The following ELMO1 variants were observed in gnomAD, a reference collection of about 807,000 sequenced individuals.
ELMO1 encodes the protein engulfment and cell motility protein 1.
Under a neutral mutation model 98.9 loss-of-function variants are expected in ELMO1, and 26 were observed. That is an observed-to-expected ratio of 0.26 (90% CI 0.19 to 0.36). The LOEUF (loss-of-function observed/expected upper bound fraction) is 0.36, where lower values mean the gene tolerates loss of function less well. Ranked by LOEUF, ELMO1 falls within the 10% of genes least tolerant of loss-of-function variation. The pLI, the probability that ELMO1 is intolerant of heterozygous loss-of-function variation, is 1.00. For missense variants in ELMO1, 627 were observed against 935.2 expected, an observed-to-expected ratio of 0.67 and a Z score of 4.30; for synonymous variants, 346 against 346.0, an observed-to-expected ratio of 1.00 and a Z score of 0.00.
At chr7:36,924,372 C>G (rs1227539909) in intron 16 of ELMO1, among the ~76,000 whole-genome samples, 1 of 152,094 alleles carries the variant, frequency 6.6e-6, no homozygotes, top group East Asian at 1.9e-4. Context: ...TGCTTCCCAG[C>G]GAGGGCCCTC....
rs199590083 is a variant in ELMO1, at chr7:37,321,030, G to T, written c.79-5070C>A. Among the ~76,000 whole-genome samples the T allele has an allele frequency of 3.9e-5, 6 of 152,178 alleles. No homozygotes were observed. In the East Asian group the frequency reaches 1.2e-3, roughly 29 times the overall value. ...AGAGCACTGAACACCAGCTGGTAAA[G>T]AATGTAATTCAACAGATGATAAATC... On this transcript the variant is annotated intron_variant, in intron 2 of 21. Transcript: ENST00000310758.
intron 16 of ELMO1, among the ~76,000 whole-genome samples, chr7:36,926,204 G>A (rs1258952234): frequency 6.6e-6 from 1 of 152,170 alleles, no homozygotes; most frequent in African/African-American, 2.4e-5. Context: ...ATTCCAGACT[G>A]AGAGTCCATC....
intron 14 of ELMO1, among the ~76,000 whole-genome samples, chr7:37,123,076 T>C (rs992653208): frequency 2.0e-5 from 3 of 151,688 alleles, no homozygotes; most frequent in African/African-American, 7.3e-5. Context: ...AAAGATGTTC[T>C]TTGAAACCAG....
chr7:37,269,367 C>G (rs1054334060), intron 5 of ELMO1: 1 of 151,896 alleles, frequency 6.6e-6, no homozygotes, highest in Non-Finnish European at 1.5e-5. Flanking sequence ...CACAGCTGAT[C>G]CAGGTTTGGG....
chr7:36,896,978 T>C (rs1306449746), intron 16 of ELMO1, among the ~76,000 whole-genome samples: 1 of 152,186 alleles, frequency 6.6e-6, no homozygotes, highest in African/African-American at 2.4e-5. Flanking sequence ...GAAGATATGA[T>C]TTTTAAATAG....
At position 36,939,440 on chromosome 7, in the gene ELMO1, G is replaced by A. The variant is rs528353051; in HGVS notation, c.1438-44423C>T. ...ATAGAAGACTTAACCTAGTCAGGCTGGGGGCTCAAGTACTCATAGAACAAC... is the reference window on the plus strand; with the variant it reads ...ATAGAAGACTTAACCTAGTCAGGCTAGGGGCTCAAGTACTCATAGAACAAC... On this transcript the variant is annotated intron_variant, in intron 16 of 21. Transcript: ENST00000310758. Among the ~76,000 whole-genome samples, 22 of 152,134 alleles carry A rather than the reference G, an allele frequency of 1.4e-4. No homozygotes were observed. In the South Asian group the frequency reaches 2.3e-3, roughly 16 times the overall value.
intron 13 of ELMO1, among the ~76,000 whole-genome samples, chr7:37,144,624 G>A (rs1415692712): frequency 6.6e-6 from 1 of 152,146 alleles, no homozygotes; most frequent in Non-Finnish European, 1.5e-5. Flanking sequence ...AATGCCATTT[G>A]TTAGTTTCTG....
At chr7:37,412,424 A>G (rs1583711666) in intron 1 of ELMO1, among the ~76,000 whole-genome samples, 1 of 152,194 alleles carries the variant, frequency 6.6e-6, no homozygotes. Flanking sequence ...CTCTTGGATA[A>G]ATTGCCAATT....
chr7:37,130,732 A>G (rs1786864561), intron 14 of ELMO1, among the ~76,000 whole-genome samples: 1 of 149,830 alleles, frequency 6.7e-6, no homozygotes, highest in South Asian at 2.1e-4. Context: ...GCAACGAGGG[A>G]ATATTTGTGC....
chr7:37,010,951 T>C (rs1199344115), intron 16 of ELMO1, among the ~76,000 whole-genome samples: 2 of 152,258 alleles, frequency 1.3e-5, no homozygotes, highest in African/African-American at 4.8e-5. Flanking sequence ...GATTTTCCTC[T>C]GATATCTGCT....
intron 1 of ELMO1, among the ~76,000 whole-genome samples, chr7:37,348,286 C>G (rs1215861333): frequency 6.6e-6 from 1 of 152,108 alleles, no homozygotes; most frequent in Non-Finnish European, 1.5e-5. Context: ...CTTATACAAA[C>G]TAAAATTTAA....
chr7:37,170,223 C>T (rs888378270), intron 13 of ELMO1, among the ~76,000 whole-genome samples: 23 of 152,166 alleles, frequency 1.5e-4, no homozygotes, highest in African/African-American at 4.1e-4. Flanking sequence ...CATTTCTTTT[C>T]GTCTATTTCC....
At chr7:37,063,749 G>A (rs1196156639) in intron 15 of ELMO1, among the ~76,000 whole-genome samples, 1 of 152,090 alleles carries the variant, frequency 6.6e-6, no homozygotes, top group Non-Finnish European at 1.5e-5. Context: ...TGAGCTGAGA[G>A]TATTGAGAAA....
At chr7:37,211,308 AAG>A (rs751502597) in intron 13 of ELMO1, 76 bp downstream of exon 13, 58 of 1,602,954 alleles carry the variant, frequency 3.6e-5, no homozygotes, top group Middle Eastern at 1.7e-4. Flanking sequence ...ACACGCTCGG[AAG>A]AGACATCAGT....
chr7:37,295,833 TAA>T (rs1038000670), intron 4 of ELMO1, among the ~76,000 whole-genome samples: 2 of 152,238 alleles, frequency 1.3e-5, no homozygotes, highest in African/African-American at 4.8e-5. Flanking sequence ...GCAGGAATAA[TAA>T]GACTTTTATT....
At position 37,426,142 on chromosome 7, in the gene ELMO1, C is replaced by CTTTTTTTTTTTTT. The variant is rs36086006; in HGVS notation, c.-74+22520_-74+22532dup. Among the ~76,000 whole-genome samples the CTTTTTTTTTTTTT allele has an allele frequency of 5.1e-4, 43 of 84,574 alleles. 1 individual carries two copies. Among genetic ancestry groups the CTTTTTTTTTTTTT allele is most frequent in the Admixed American group, 7.8e-4 (5 of 6,402 alleles). 55.5% of individuals were successfully genotyped at this position (84,574 alleles called of 152,430 possible). On this transcript the variant is annotated intron_variant, in intron 1 of 21. Coordinates refer to ENST00000310758, the MANE Select transcript of ELMO1 (RefSeq NM_014800.11). ...TCTCTCTCTCCCTCTTTTTTTCTTT[C>CTTTTTTTTTTTTT]TTTTTTTTTTTTTTTTTTTTTTTTT...
intron 16 of ELMO1, chr7:36,984,959 TG>T: frequency 1.0e-6 from 1 of 985,482 alleles, no homozygotes; most frequent in Non-Finnish European, 1.2e-6. Context: ...TCTGGAATCC[TG>T]CTCGGTGCTT....
intron 1 of ELMO1, among the ~76,000 whole-genome samples, chr7:37,410,031 C>A (rs989006904): frequency 1.3e-5 from 2 of 152,212 alleles, no homozygotes; most frequent in Non-Finnish European, 2.9e-5. Context: ...AGCTATTAAG[C>A]AACGAAGCCA....
At chr7:37,378,074 GGGA>G (rs1235674606) in intron 1 of ELMO1, among the ~76,000 whole-genome samples, 23 of 152,304 alleles carry the variant, frequency 1.5e-4, no homozygotes, top group Middle Eastern at 3.4e-3. Context: ...TCCCAAAGAT[GGGA>G]GGAGAAGTCA....
Sources: allele counts gnomAD v4.1 joint callset (sites outside exome capture counted in the v4.1 genomes callset), GRCh38; gene constraint gnomAD v4.1.1; transcripts MANE v1.5; gene names NCBI Gene and HGNC (gene_info 2026-07-23, HGNC 2026-07-21).